The following TRPM3 variants were observed in gnomAD, a reference collection of about 807,000 sequenced individuals.
TRPM3 encodes the protein long transient receptor potential channel 3.
TRPM3 carries 77 observed loss-of-function variants against 181.2 expected under a neutral mutation model. That is an observed-to-expected ratio of 0.42 (90% CI 0.35 to 0.51). The LOEUF is 0.51. Ranked by LOEUF, TRPM3 falls within the 20% of genes least tolerant of loss-of-function variation. The probability of loss-of-function intolerance (pLI) is 0.01; values close to 1 mark genes in which losing one functional copy is unlikely to be tolerated. For missense variants in TRPM3, 1,759 were observed against 2,196.7 expected (o/e 0.80, Z 3.98); for synonymous variants, 745 against 796.4 (o/e 0.94, Z 1.09).
intron 1 of TRPM3, among the ~76,000 whole-genome samples, chr9:71,020,372 CAAG>C (rs1226780010): frequency 6.6e-6 from 1 of 150,936 alleles, no homozygotes; most frequent in African/African-American, 2.4e-5. Context: ...CCCAGCTATA[CAAG>C]AAGCTGGGCA....
intron 1 of TRPM3, among the ~76,000 whole-genome samples, chr9:71,034,599 T>G (rs1443146894): frequency 2.0e-5 from 3 of 151,976 alleles, no homozygotes; most frequent in African/African-American, 7.2e-5. Context: ...GGGCAGTGGT[T>G]TCCTTGAGCT....
intron 1 of TRPM3, among the ~76,000 whole-genome samples, chr9:71,257,928 G>C (rs561793215): frequency 6.6e-6 from 1 of 152,128 alleles, no homozygotes; most frequent in Admixed American, 6.5e-5. Flanking sequence ...CAAAATGGGG[G>C]AACGGAGGTA....
chr9:70,541,209 G>A (rs1035300648), intron 25 of TRPM3, among the ~76,000 whole-genome samples: 37 of 152,300 alleles, frequency 2.4e-4, no homozygotes, highest in African/African-American at 8.7e-4. Context: ...TGCAGGGCAT[G>A]GAACCAGGGG....
Position 70,866,617 on chromosome 9 carries a change from T to C in TRPM3, c.178-2106A>G, listed in dbSNP as rs2095654830. The stretch of plus-strand genomic sequence containing the variant: ...CTAAAAGTTCAGATGAAGGCTCAGA[T>C]GAGGGGACTATGAAATTGGTCTCCC... On this transcript the variant is annotated intron_variant, in intron 1 of 25. Coordinates refer to ENST00000677713, the MANE Select transcript of TRPM3 (RefSeq NM_001366145.2). 1.3e-5 allele frequency among the ~76,000 whole-genome samples: 2 copies of C among 152,048 alleles called. 1 individual carries two copies. The highest frequency in any genetic ancestry group is 4.1e-4 in the South Asian group (2 of 4,828).
At chr9:71,102,719 T>C (rs1248486617) in intron 1 of TRPM3, among the ~76,000 whole-genome samples, 1 of 152,222 alleles carries the variant, frequency 6.6e-6, no homozygotes, top group Non-Finnish European at 1.5e-5. Context: ...CACACTGCTT[T>C]CTTGAATATC....
intron 8 of TRPM3, among the ~76,000 whole-genome samples, chr9:70,700,789 T>C (rs1403290913): frequency 6.6e-6 from 1 of 152,228 alleles, no homozygotes; most frequent in African/African-American, 2.4e-5. Context: ...TAAGGAACTA[T>C]GTAGACGTGC....
chr9:70,593,514 A>G (rs1314432981), intron 21 of TRPM3, among the ~76,000 whole-genome samples: 1 of 152,252 alleles, frequency 6.6e-6, no homozygotes, highest in African/African-American at 2.4e-5. Flanking sequence ...AAACTCAGCC[A>G]GTAAATACAG....
chr9:71,029,819 A>G (rs1004666006), intron 1 of TRPM3, among the ~76,000 whole-genome samples: 3 of 152,206 alleles, frequency 2.0e-5, no homozygotes, highest in African/African-American at 7.2e-5. Flanking sequence ...AAATAAACAG[A>G]TAACTGGAAT....
chr9:70,535,623 C>A lies in TRPM3; in HGVS notation c.*330G>T. On this transcript the variant is annotated 3_prime_UTR_variant, in exon 26 of 26. Transcript: ENST00000677713. ...GATGCCTCCTGGCATGGAGCGTGCT[C>A]GAAGCCCCTTGTTTCCCCTGCTCTC... The A allele has an allele frequency of 2.1e-6, 3 of 1,460,248 alleles. No homozygotes were observed. Among genetic ancestry groups the A allele is most frequent in the Non-Finnish European group, 2.7e-6 (3 of 1,113,192 alleles). 90.5% of individuals were successfully genotyped at this position (1,460,248 alleles called of 1,614,324 possible).
At chr9:71,349,848 C>T (rs1280865843) in intron 1 of TRPM3, among the ~76,000 whole-genome samples, 1 of 151,926 alleles carries the variant, frequency 6.6e-6, no homozygotes, top group African/African-American at 2.4e-5. Context: ...CACTATTGGA[C>T]TCTGGGGAAG....
intron 1 of TRPM3, among the ~76,000 whole-genome samples, chr9:71,049,103 C>T (rs2059783246): frequency 6.6e-6 from 1 of 152,178 alleles, no homozygotes; most frequent in Non-Finnish European, 1.5e-5. Context: ...TGAGGACCCT[C>T]ACATACTTCA....
chr9:70,691,849 T>C (rs1412470009), intron 8 of TRPM3, among the ~76,000 whole-genome samples: 1 of 152,224 alleles, frequency 6.6e-6, no homozygotes, highest in African/African-American at 2.4e-5. Flanking sequence ...GATATTTTGG[T>C]ATGCTTCCTT....
Position 70,883,086 on chromosome 9 carries a change from AG to A in TRPM3, c.178-18576del, listed in dbSNP as rs202087734. On this transcript the variant is annotated intron_variant, in intron 1 of 25. Coordinates refer to ENST00000677713, the MANE Select transcript of TRPM3 (RefSeq NM_001366145.2). ...TAAGAGTACAAAATCCAAGAGCTAT[AG>A]GGAAGTTCTCAAACCAATGTACTTC... 1.4e-3 allele frequency among the ~76,000 whole-genome samples: 208 copies of A among 152,304 alleles called. 7 individuals carry two copies. The East Asian group carries it at 0.029, about 21-fold the overall frequency.
Position 70,537,247 on chromosome 9 carries a change from T to G in TRPM3, c.3866A>C (p.Glu1289Ala). The change falls in exon 26 of 26, where the codon GAG becomes GCG. Residue 1289 changes from glutamate (E) to alanine (A), a missense_variant. Around this residue, in one of 8 missense-constraint regions of TRPM3, gnomAD observed 612 missense variants for 590.0 expected, o/e 1.04. Coordinates refer to ENST00000677713, the MANE Select transcript of TRPM3 (RefSeq NM_001366145.2). ...LERLTGLERA[E>A]SNKIRSRTSS... Reference sequence around the variant, plus strand: ...GGTCCTCGAGCGGATTTTGTTGGACTCGGCCCGCTCCAGACCTGTCAGGCG... The same window carrying G: ...GGTCCTCGAGCGGATTTTGTTGGACGCGGCCCGCTCCAGACCTGTCAGGCG... The G allele has an allele frequency of 6.3e-7, 1 of 1,596,970 alleles. No individual in the cohort carries two copies. The highest frequency in any genetic ancestry group is 8.6e-7 in the Non-Finnish European group (1 of 1,167,504).
At chr9:71,326,633 A>G (rs1056997232) in intron 1 of TRPM3, among the ~76,000 whole-genome samples, 3 of 152,214 alleles carry the variant, frequency 2.0e-5, no homozygotes, top group Admixed American at 6.5e-5. Context: ...TTAATCATGC[A>G]ATATTCACCC....
chr9:70,613,601 C>T (rs1009300516), intron 18 of TRPM3, among the ~76,000 whole-genome samples: 1 of 152,220 alleles, frequency 6.6e-6, no homozygotes, highest in African/African-American at 2.4e-5. Context: ...AGGGAAGGGT[C>T]CACTTTACAG....
At chr9:71,331,331 AGCC>A in intron 1 of TRPM3, among the ~76,000 whole-genome samples, 1 of 151,880 alleles carries the variant, frequency 6.6e-6, no homozygotes, top group Non-Finnish European at 1.5e-5. Context: ...AAGATAAACT[AGCC>A]ACACATTAAT....
intron 19 of TRPM3, among the ~76,000 whole-genome samples, chr9:70,608,724 C>T (rs148034527): frequency 1.3e-5 from 2 of 152,096 alleles, no homozygotes; most frequent in African/African-American, 4.8e-5. Context: ...CCTGTAATCC[C>T]AGCTACTCGG....
At chr9:71,103,716 A>G (rs890498016) in intron 1 of TRPM3, among the ~76,000 whole-genome samples, 1 of 152,178 alleles carries the variant, frequency 6.6e-6, no homozygotes, top group Non-Finnish European at 1.5e-5. Flanking sequence ...CACAGAGGAT[A>G]ACCACAATTA....
Sources: allele counts gnomAD v4.1 joint callset (sites outside exome capture counted in the v4.1 genomes callset), GRCh38; gene constraint gnomAD v4.1.1; regional missense constraint gnomAD v4.1.1; transcripts MANE v1.5; gene names NCBI Gene and HGNC (gene_info 2026-07-23, HGNC 2026-07-21).